The following MACROD2 variants were observed in gnomAD, a reference collection of about 807,000 sequenced individuals.
The protein encoded by MACROD2 is mono-ADP ribosylhydrolase 2.
A neutral mutation model predicts 70.4 loss-of-function variants in MACROD2; 36 were observed. The ratio of observed to expected loss-of-function variants is 0.51; its 90% CI spans 0.39 to 0.68. The LOEUF (loss-of-function observed/expected upper bound fraction) is 0.68. MACROD2 is among the 30% of genes least tolerant of loss of function. The probability of loss-of-function intolerance (pLI) is 0.00; values close to 1 mark genes in which losing one functional copy is unlikely to be tolerated. For synonymous variants in MACROD2, 172 were observed against 178.8 expected (o/e 0.96, Z 0.30); for missense variants, 496 against 538.4 (o/e 0.92, Z 0.78).
At chr20:14,898,721 C>T (rs1465500209) in intron 5 of MACROD2, among the ~76,000 whole-genome samples, 1 of 152,154 alleles carries the variant, frequency 6.6e-6, no homozygotes, top group Non-Finnish European at 1.5e-5. Context: ...TCTCAACTGT[C>T]CTCACATCTT....
At chr20:14,880,624 A>T (rs1471742329) in intron 5 of MACROD2, among the ~76,000 whole-genome samples, 1 of 152,208 alleles carries the variant, frequency 6.6e-6, no homozygotes, top group East Asian at 1.9e-4. Context: ...AGAAGAATTC[A>T]TGCATTTAGC....
chr20:14,635,004 A>G (rs187186555), intron 4 of MACROD2, among the ~76,000 whole-genome samples: 28 of 152,306 alleles, frequency 1.8e-4, no homozygotes, highest in Non-Finnish European at 3.8e-4. Flanking sequence ...TTTAGTCCAC[A>G]GTCCCCTGAT....
intron 3 of MACROD2, among the ~76,000 whole-genome samples, chr20:14,308,731 C>T (rs1365746424): frequency 6.6e-6 from 1 of 152,014 alleles, no homozygotes; most frequent in Non-Finnish European, 1.5e-5. Context: ...CAAAATTGTC[C>T]CTTTTTGAAT....
chr20:14,642,743 G>T (rs1985165662), intron 4 of MACROD2, among the ~76,000 whole-genome samples: 2 of 151,910 alleles, frequency 1.3e-5, no homozygotes, highest in Admixed American at 1.3e-4. Context: ...TATTGGTGGT[G>T]CCCAAAACAA....
At chr20:14,638,837 C>T (rs1984929851) in intron 4 of MACROD2, among the ~76,000 whole-genome samples, 1 of 151,738 alleles carries the variant, frequency 6.6e-6, no homozygotes, top group African/African-American at 2.4e-5. Context: ...GTAGTCCTAG[C>T]TACTCGGGAG....
chr20:14,986,936 G>T lies in MACROD2; in HGVS notation c.419-243004G>T, dbSNP rs548247543. 2.6e-5 allele frequency among the ~76,000 whole-genome samples: 4 copies of T among 152,242 alleles called. No homozygotes were observed. In the South Asian group the frequency reaches 8.3e-4, roughly 32 times the overall value. On this transcript the variant is annotated intron_variant, in intron 5 of 17. Transcript: ENST00000684519. Reference sequence around the variant, plus strand: ...TTTGGGACCCTAAGTCCTCTAGGCGGTACAGCTATATATTGCAATGGACTG... The same window carrying T: ...TTTGGGACCCTAAGTCCTCTAGGCGTTACAGCTATATATTGCAATGGACTG...
intron 5 of MACROD2, among the ~76,000 whole-genome samples, chr20:15,044,179 C>G (rs2075375727): frequency 6.6e-6 from 1 of 152,104 alleles, no homozygotes; most frequent in African/African-American, 2.4e-5. Context: ...GCAACCAGAC[C>G]TCATCCTGAA....
At chr20:15,487,668 G>A (rs1211516994) in intron 7 of MACROD2, among the ~76,000 whole-genome samples, 2 of 152,046 alleles carry the variant, frequency 1.3e-5, no homozygotes, top group East Asian at 3.9e-4. Context: ...GAGTGTCATG[G>A]CCAAGGTCTG....
chr20:15,113,763 A>AGT (rs71340210), intron 5 of MACROD2, among the ~76,000 whole-genome samples: 9,899 of 144,142 alleles, frequency 0.069, 501 homozygotes, highest in African/African-American at 0.14. Flanking sequence ...GTAGTCTTGA[A>AGT]GTGTGTGTGT....
At chr20:14,316,676 A>G (rs1213408334) in intron 3 of MACROD2, among the ~76,000 whole-genome samples, 1 of 152,202 alleles carries the variant, frequency 6.6e-6, no homozygotes, top group Non-Finnish European at 1.5e-5. Flanking sequence ...AAAAGATTGA[A>G]CACCCCTGAT....
intron 6 of MACROD2, among the ~76,000 whole-genome samples, chr20:15,315,645 C>A (rs1023132483): frequency 6.6e-6 from 1 of 152,076 alleles, no homozygotes; most frequent in Non-Finnish European, 1.5e-5. Context: ...TACAGATGGA[C>A]AAAATCTGAG....
At chr20:15,574,862 T>G (rs2048423102) in intron 8 of MACROD2, among the ~76,000 whole-genome samples, 1 of 152,208 alleles carries the variant, frequency 6.6e-6, no homozygotes, top group Non-Finnish European at 1.5e-5. Context: ...AGTCGCTTCA[T>G]TTTCTTCTAA....
chr20:15,162,413 T>A (rs62202854), intron 5 of MACROD2, among the ~76,000 whole-genome samples: 5,230 of 152,096 alleles, frequency 0.034, 120 homozygotes, highest in Middle Eastern at 0.086. Context: ...AAGGTTATAT[T>A]CGTGGTGAAA....
chr20:14,741,763 A>T (rs1213575862), intron 5 of MACROD2, among the ~76,000 whole-genome samples: 1 of 152,156 alleles, frequency 6.6e-6, no homozygotes, highest in African/African-American at 2.4e-5. Flanking sequence ...TTAAGAATGC[A>T]GTATATGAGT....
At chr20:15,157,346 A>ACCCCCCC (rs763687203) in intron 5 of MACROD2, among the ~76,000 whole-genome samples, 1 of 18,346 alleles carries the variant, frequency 5.5e-5, no homozygotes, top group African/African-American at 2.7e-4. Flanking sequence ...AATCTAATTA[A>ACCCCCCC]CCACCCCCCC....
At chr20:14,241,068 A>G (rs913414562) in intron 3 of MACROD2, among the ~76,000 whole-genome samples, 2 of 152,168 alleles carry the variant, frequency 1.3e-5, no homozygotes, top group African/African-American at 4.8e-5. Flanking sequence ...GTGAGCCGAG[A>G]TTGCATCACT....
At chr20:14,264,902 C>T (rs995602091) in intron 3 of MACROD2, among the ~76,000 whole-genome samples, 6 of 152,164 alleles carry the variant, frequency 3.9e-5, no homozygotes, top group Admixed American at 6.5e-5. Flanking sequence ...ATAGATGAGA[C>T]TGAATTTTGT....
chr20:15,371,906 G>A (rs192370493), intron 6 of MACROD2, among the ~76,000 whole-genome samples: 22 of 151,996 alleles, frequency 1.4e-4, no homozygotes, highest in African/African-American at 4.6e-4. Context: ...TGTTTTTTAC[G>A]CTTTCACTAC....
intron 3 of MACROD2, among the ~76,000 whole-genome samples, chr20:14,405,825 G>C (rs2083685233): frequency 6.6e-6 from 1 of 151,804 alleles, no homozygotes; most frequent in Non-Finnish European, 1.5e-5. Flanking sequence ...TAAATATTTT[G>C]TGCAAAAAAG....
Sources: allele counts gnomAD v4.1 joint callset (sites outside exome capture counted in the v4.1 genomes callset), GRCh38; gene constraint gnomAD v4.1.1; transcripts MANE v1.5; gene names NCBI Gene and HGNC (gene_info 2026-07-23, HGNC 2026-07-21).